Variants in MYRIP observed in about 807,000 individuals in gnomAD.
MYRIP encodes the protein rab effector MyRIP.
Under a neutral mutation model 98.0 loss-of-function variants are expected in MYRIP, and 49 were observed. That is an observed-to-expected ratio of 0.50 (90% CI 0.40 to 0.63). MYRIP has a LOEUF of 0.63. MYRIP is among the 30% of genes least tolerant of loss of function. The probability of loss-of-function intolerance (pLI) is 0.00; values close to 1 mark genes in which losing one functional copy is unlikely to be tolerated. For synonymous variants in MYRIP, 404 were observed against 409.5 expected (o/e 0.99, Z 0.16); for missense variants, 1,004 against 1,058.2 (o/e 0.95, Z 0.71).
At chr3:40,032,046 G>T (rs1947273909) in intron 2 of MYRIP, among the ~76,000 whole-genome samples, 1 of 151,950 alleles carries the variant, frequency 6.6e-6, no homozygotes, top group South Asian at 2.1e-4. Context: ...GAATGTGTTT[G>T]CTCTTGCTTT....
At chr3:39,969,911 T>A (rs927780350) in intron 2 of MYRIP, among the ~76,000 whole-genome samples, 1 of 152,150 alleles carries the variant, frequency 6.6e-6, no homozygotes. Context: ...CTCTTCTTTG[T>A]ACATCTGGTA....
intron 2 of MYRIP, among the ~76,000 whole-genome samples, chr3:39,906,698 A>G (rs138075957): frequency 6.6e-6 from 1 of 152,306 alleles, no homozygotes; most frequent in African/African-American, 2.4e-5. Context: ...GATGTTCAAA[A>G]GTCTTACCCA....
intron 2 of MYRIP, among the ~76,000 whole-genome samples, chr3:39,910,784 G>A (rs1406651305): frequency 2.0e-5 from 3 of 152,094 alleles, no homozygotes; most frequent in Non-Finnish European, 2.9e-5. Flanking sequence ...TTATTGGACA[G>A]TGCTGGTCTG....
chr3:40,219,475 T>C (rs1195263219), intron 11 of MYRIP, among the ~76,000 whole-genome samples: 2 of 152,096 alleles, frequency 1.3e-5, no homozygotes, highest in African/African-American at 4.8e-5. Context: ...CCTAATGCTA[T>C]CCCTCCCCCA....
chr3:40,111,547 G>A (rs1431518312), intron 3 of MYRIP, among the ~76,000 whole-genome samples: 1 of 152,044 alleles, frequency 6.6e-6, no homozygotes, highest in Non-Finnish European at 1.5e-5. Flanking sequence ...TTGATGGGTG[G>A]GGGCAGTATG....
intron 3 of MYRIP, among the ~76,000 whole-genome samples, chr3:40,131,564 G>A (rs1428793421): frequency 6.6e-6 from 1 of 152,094 alleles, no homozygotes; most frequent in Non-Finnish European, 1.5e-5. Flanking sequence ...ATACACTTTA[G>A]GGGATATGAT....
intron 2 of MYRIP, among the ~76,000 whole-genome samples, chr3:39,996,968 A>T (rs1946375671): frequency 6.6e-6 from 1 of 152,200 alleles, no homozygotes; most frequent in African/African-American, 2.4e-5. Context: ...AGAAATAAAG[A>T]TGTTCTTTGA....
chr3:40,040,719 T>C, intron 2 of MYRIP, among the ~76,000 whole-genome samples: 1 of 59,012 alleles, frequency 1.7e-5, no homozygotes, highest in African/African-American at 5.6e-5. Flanking sequence ...CTCAGTAAAC[T>C]ATCGCAAGAA....
chr3:39,992,327 A>T (rs895932333), intron 2 of MYRIP, among the ~76,000 whole-genome samples: 2 of 151,952 alleles, frequency 1.3e-5, no homozygotes, highest in Non-Finnish European at 2.9e-5. Flanking sequence ...TGAGCCCCCA[A>T]ACTCTGCCCT....
chr3:39,965,860 G>A (rs2125738063), intron 2 of MYRIP, among the ~76,000 whole-genome samples: 1 of 152,218 alleles, frequency 6.6e-6, no homozygotes, highest in Non-Finnish European at 1.5e-5. Flanking sequence ...AAATTTAAAT[G>A]AAAAATATTT....
chr3:39,817,587 AC>A (rs1940962353), intron 1 of MYRIP, among the ~76,000 whole-genome samples: 1 of 152,204 alleles, frequency 6.6e-6, no homozygotes. Flanking sequence ...TATCAAATAT[AC>A]TTTTGTATAT....
intron 1 of MYRIP, among the ~76,000 whole-genome samples, chr3:39,837,042 A>G (rs1941648516): frequency 6.6e-6 from 1 of 152,172 alleles, no homozygotes; most frequent in African/African-American, 2.4e-5. Flanking sequence ...AGCCTGTTCA[A>G]TTATTACAGC....
intron 2 of MYRIP, among the ~76,000 whole-genome samples, chr3:40,043,521 A>G (rs1157572169): frequency 2.0e-5 from 3 of 152,100 alleles, no homozygotes; most frequent in Admixed American, 6.6e-5. Context: ...ATGAATCACC[A>G]GTGCCTCGAT....
intron 3 of MYRIP, among the ~76,000 whole-genome samples, chr3:40,142,196 C>A (rs945179115): frequency 2.6e-5 from 4 of 151,196 alleles, no homozygotes; most frequent in African/African-American, 9.7e-5. Context: ...AGGATTAAGG[C>A]GCCTGCCACC....
intron 3 of MYRIP, among the ~76,000 whole-genome samples, chr3:40,087,481 T>C (rs1948652636): frequency 6.6e-6 from 1 of 152,126 alleles, no homozygotes; most frequent in East Asian, 1.9e-4. Context: ...GAGTGTGTTA[T>C]GAGAGACCAG....
chr3:39,929,921 T>C (rs553336850), intron 2 of MYRIP, among the ~76,000 whole-genome samples: 18 of 152,208 alleles, frequency 1.2e-4, no homozygotes, highest in Admixed American at 1.0e-3. Context: ...TCCACTTTTA[T>C]GGATGAATAA....
chr3:39,876,258 T>C (rs1318372110), intron 1 of MYRIP, among the ~76,000 whole-genome samples: 1 of 152,212 alleles, frequency 6.6e-6, no homozygotes, highest in Non-Finnish European at 1.5e-5. Flanking sequence ...ATGGGTTTCC[T>C]GAATACAGCA....
At chr3:39,835,713 A>C (rs1161408416) in intron 1 of MYRIP, among the ~76,000 whole-genome samples, 1 of 152,110 alleles carries the variant, frequency 6.6e-6, no homozygotes, top group African/African-American at 2.4e-5. Flanking sequence ...TATCTACATT[A>C]GGTATTTCTC....
chr3:40,117,802 G>C (rs1949314823), intron 3 of MYRIP, among the ~76,000 whole-genome samples: 2 of 152,090 alleles, frequency 1.3e-5, no homozygotes, highest in Non-Finnish European at 2.9e-5. Flanking sequence ...TTACTTTAGA[G>C]CAAAGACTTC....
Sources: gnomAD v4.1 joint callset for allele counts (sites outside exome capture counted in the v4.1 genomes callset) on GRCh38, gnomAD v4.1.1 for gene constraint, MANE v1.5 for transcripts, NCBI Gene and HGNC (gene_info 2026-07-23, HGNC 2026-07-21) for gene names.